The following AP3S2 variants were observed in gnomAD, a reference collection of about 807,000 sequenced individuals.
The protein encoded by AP3S2 is adaptor related protein complex 3 subunit sigma 2.
A neutral mutation model predicts 23.4 loss-of-function variants in AP3S2; 22 were observed. The observed-to-expected ratio is 0.94, with a 90% CI of 0.67 to 1.34. The LOEUF is 1.34. Among genes scored for constraint, AP3S2 ranks in the 40% most tolerant of loss-of-function variants. The pLI, the probability that AP3S2 is intolerant of heterozygous loss-of-function variation, is 0.00. For missense variants in AP3S2, 241 were observed against 236.9 expected (o/e 1.02, Z -0.11); for synonymous variants, 86 against 87.1 (o/e 0.99, Z 0.07).
chr15:89,852,978 G>C (rs904453506), intron 4 of AP3S2, among the ~76,000 whole-genome samples: 2 of 152,140 alleles, frequency 1.3e-5, no homozygotes, highest in African/African-American at 4.8e-5. Context: ...TACATAAGAA[G>C]GGGCTGCAGC....
intron 1 of AP3S2, among the ~76,000 whole-genome samples, chr15:89,890,834 G>T (rs117479109): frequency 1.7e-4 from 26 of 152,336 alleles, no homozygotes; most frequent in Non-Finnish European, 3.7e-4. Context: ...TAATTGTGGG[G>T]AAATTACTTT....
chr15:89,876,037 C>T (rs947475062), intron 3 of AP3S2, among the ~76,000 whole-genome samples: 3 of 152,102 alleles, frequency 2.0e-5, no homozygotes, highest in South Asian at 2.1e-4. Flanking sequence ...ATACAGGTCT[C>T]GTGAAAGGCA....
At chr15:89,855,985 A>G (rs1042506120) in intron 4 of AP3S2, among the ~76,000 whole-genome samples, 11 of 149,144 alleles carry the variant, frequency 7.4e-5, no homozygotes, top group Non-Finnish European at 1.3e-4. Context: ...ATGAAATGTG[A>G]TATCATCCCT....
At chr15:89,878,200 TA>T in intron 3 of AP3S2, 2 of 619,282 alleles carry the variant, frequency 3.2e-6, no homozygotes. Flanking sequence ...GTGATGATAA[TA>T]AAAATGGTTT....
intron 4 of AP3S2, among the ~76,000 whole-genome samples, chr15:89,864,193 C>T (rs1461760060): frequency 6.6e-6 from 1 of 152,138 alleles, no homozygotes; most frequent in Non-Finnish European, 1.5e-5. Flanking sequence ...GGAAGAACAA[C>T]ATTTTTATGG....
chr15:89,839,065 T>C (rs752067886), intron 4 of AP3S2, among the ~76,000 whole-genome samples: 10 of 152,156 alleles, frequency 6.6e-5, no homozygotes, highest in Non-Finnish European at 1.5e-4. Flanking sequence ...TCTCTACTCC[T>C]CCAGCTTGAC....
At chr15:89,864,420 C>T (rs1184284925) in intron 4 of AP3S2, among the ~76,000 whole-genome samples, 2 of 152,136 alleles carry the variant, frequency 1.3e-5, no homozygotes, top group African/African-American at 2.4e-5. Context: ...AAGGAAGAAA[C>T]ATCCTTAACC....
Position 89,893,324 on chromosome 15 carries a change from T to C in AP3S2, c.69+557A>G, listed in dbSNP as rs558826857. On this transcript the variant is annotated intron_variant, in intron 1 of 5. Coordinates refer to ENST00000336418, the MANE Select transcript of AP3S2 (RefSeq NM_005829.5). ...ATTTACGTAATCACTTATTGAGCCC[T>C]TATGCGGCAGCATTTATAATTTCTC... 1.8e-5 allele frequency: 3 copies of C among 166,592 alleles called. No individual in the cohort carries two copies. The East Asian group carries it at 5.1e-4, about 28-fold the overall frequency. The allele number at this position is 166,592 out of a possible 1,614,324, so 10.3% of individuals were successfully genotyped here. A position where few individuals can be genotyped will look rare whatever the true frequency, so the allele number is the denominator to read the frequency against.
intron 5 of AP3S2, 144 bp from the exon 6 acceptor site, chr15:89,835,787 G>A (rs1273960089): frequency 3.0e-6 from 4 of 1,316,986 alleles, no homozygotes; most frequent in Non-Finnish European, 4.0e-6. Flanking sequence ...CAGCACTTTG[G>A]GAGGCCGAGG....
chr15:89,858,344 T>C (rs957499800), intron 4 of AP3S2, among the ~76,000 whole-genome samples: 3 of 151,706 alleles, frequency 2.0e-5, no homozygotes, highest in African/African-American at 7.3e-5. Context: ...AGGAGGCTGA[T>C]GCAGGAGAAT....
chr15:89,858,493 A>AAGAAAGAG (rs1895907201), intron 4 of AP3S2, among the ~76,000 whole-genome samples: 26 of 60,294 alleles, frequency 4.3e-4, no homozygotes, highest in South Asian at 1.2e-3. Flanking sequence ...GAAAGAAAGA[A>AAGAAAGAG]AGAGAGAGAG....
chr15:89,871,487 G>C lies in AP3S2; in HGVS notation c.333C>G (p.Phe111Leu). ...FENVCELDLI[F>L]HMDKVHYILQ... ...CAAGAGAATATACCTTATCCATATG[G>C]AAGATCAAATCCAATTCACACACAT... The change falls in exon 4 of 6, where the codon TTC becomes TTG. Residue 111 changes from phenylalanine to leucine, a missense_variant. Transcript: ENST00000336418. 1.2e-6 allele frequency: 2 copies of C among 1,613,538 alleles called. No individual in the cohort carries two copies. The highest frequency in any genetic ancestry group is 1.7e-6 in the Non-Finnish European group (2 of 1,179,876).
rs567423629 is a variant in AP3S2 at position 89,864,566 on chromosome 15, A to T, written c.345+6909T>A. Among the ~76,000 whole-genome samples, 30 of 144,302 alleles carry T rather than the reference A, an allele frequency of 2.1e-4. No homozygotes were observed. The East Asian group carries it at 5.6e-3, about 27-fold the overall frequency. 94.7% of individuals were successfully genotyped at this position (144,302 alleles called of 152,430 possible). A position where few individuals can be genotyped will look rare whatever the true frequency, so the allele number is the denominator to read the frequency against. On this transcript the variant is annotated intron_variant, in intron 4 of 5. Transcript: ENST00000336418. ...TATTCAATACAACTTCTACCAACACATTTTTTTTTTTTGAGACGGAGTCTC... is the reference window on the plus strand; with the variant it reads ...TATTCAATACAACTTCTACCAACACTTTTTTTTTTTTTGAGACGGAGTCTC...
At chr15:89,840,040 T>C (rs1416181450) in intron 4 of AP3S2, among the ~76,000 whole-genome samples, 1 of 152,132 alleles carries the variant, frequency 6.6e-6, no homozygotes, top group Non-Finnish European at 1.5e-5. Flanking sequence ...GAACGGGGGC[T>C]GCCATGAGGC....
intron 4 of AP3S2, chr15:89,838,006 C>T: frequency 2.8e-6 from 1 of 353,666 alleles, no homozygotes. Flanking sequence ...TACTTGCTAG[C>T]TGGGTGGCCC....
At chr15:89,858,493 A>AGAGAGAGAGAGAGAG (rs1596200467) in intron 4 of AP3S2, among the ~76,000 whole-genome samples, 16 of 60,280 alleles carry the variant, frequency 2.7e-4, no homozygotes, top group Admixed American at 4.0e-4. Context: ...GAAAGAAAGA[A>AGAGAGAGAGAGAGAG]AGAGAGAGAG....
rs1166795165 is a variant in AP3S2 at position 89,858,471 on chromosome 15, GAAA to G, written c.345+13001_345+13003del. Among the ~76,000 whole-genome samples, 26 of 27,292 alleles carry G rather than the reference GAAA, an allele frequency of 9.5e-4. No homozygotes were observed. The East Asian group carries it at 0.023, about 24-fold the overall frequency. 17.9% of individuals were successfully genotyped at this position (27,292 alleles called of 152,430 possible). A position where few individuals can be genotyped will look rare whatever the true frequency, so the allele number is the denominator to read the frequency against. On this transcript the variant is annotated intron_variant, in intron 4 of 5. Coordinates refer to ENST00000336418, the MANE Select transcript of AP3S2 (RefSeq NM_005829.5). ...AAAGAAAGAAAAAGAAAGAAAGAAA[GAAA>G]GAAAGAAAGAAAGAAAGAAAGAGAG...
At chr15:89,876,280 G>A (rs112743822) in intron 3 of AP3S2, among the ~76,000 whole-genome samples, 9 of 152,138 alleles carry the variant, frequency 5.9e-5, no homozygotes, top group East Asian at 1.9e-4. Context: ...TTAGCCAGGC[G>A]TGGTGATGCA....
chr15:89,876,155 C>T (rs1421441627), intron 3 of AP3S2, among the ~76,000 whole-genome samples: 2 of 152,204 alleles, frequency 1.3e-5, no homozygotes, highest in East Asian at 3.9e-4. Context: ...TGGTGCTTCA[C>T]ACCTGTAATC....
Sources: gnomAD v4.1 joint callset for allele counts (sites outside exome capture counted in the v4.1 genomes callset) on GRCh38, gnomAD v4.1.1 for gene constraint, MANE v1.5 for transcripts, NCBI Gene and HGNC (gene_info 2026-07-23, HGNC 2026-07-21) for gene names.